Variants in CUX2 observed in about 807,000 individuals in gnomAD.
CUX2 encodes cut like homeobox 2, also known as homeobox protein cut-like 2.
Under a neutral mutation model 144.8 loss-of-function variants are expected in CUX2, and 40 were observed. The ratio of observed to expected loss-of-function variants is 0.28; its 90% CI spans 0.21 to 0.36. The LOEUF is 0.36. CUX2 is among the 10% of genes least tolerant of loss of function. The probability of loss-of-function intolerance (pLI) is 1.00; values close to 1 mark genes in which losing one functional copy is unlikely to be tolerated. For synonymous variants in CUX2, 827 were observed against 875.6 expected, an observed-to-expected ratio of 0.94 and a Z score of 0.98; for missense variants, 1,615 against 1,994.0, an observed-to-expected ratio of 0.81 and a Z score of 3.62.
At chr12:111,116,516 G>T (rs1455355568) in intron 1 of CUX2, among the ~76,000 whole-genome samples, 1 of 152,210 alleles carries the variant, frequency 6.6e-6, no homozygotes, top group Non-Finnish European at 1.5e-5. Flanking sequence ...TCCCCAGGGT[G>T]AGCATTTCTA....
Position 111,059,542 on chromosome 12 carries a change from A to T in CUX2, c.63+25302A>T, listed in dbSNP as rs1870673854. On this transcript the variant is annotated intron_variant, in intron 1 of 21. Coordinates refer to ENST00000261726, the MANE Select transcript of CUX2 (RefSeq NM_015267.4). The surrounding 1 kb of genome is among the most constrained non-coding windows in gnomAD (Gnocchi z 5.3). ...CCTCACCTTCCAAATGGGGCACGTG[A>T]CTCTTCTGACTTTCCTAGGTCCCCC... Among the ~76,000 whole-genome samples the T allele has an allele frequency of 6.6e-6, 1 of 151,406 alleles. No homozygotes were observed. The highest frequency in any genetic ancestry group is 1.5e-5 in the Non-Finnish European group (1 of 67,888).
At chr12:111,209,569 G>A (rs1365695020) in intron 1 of CUX2, among the ~76,000 whole-genome samples, 1 of 152,146 alleles carries the variant, frequency 6.6e-6, no homozygotes, top group Non-Finnish European at 1.5e-5. Context: ...GTCAAAGTTT[G>A]GACAGCAGTG....
Position 111,312,066 on chromosome 12 carries a change from A to G in CUX2, c.1901-34A>G. 6.3e-7 allele frequency: 1 copy of G among 1,583,568 alleles called. No homozygotes were observed. The highest frequency in any genetic ancestry group is 8.6e-7 in the Non-Finnish European group (1 of 1,156,824). ...GCTCCGGAGACTGAGCCCAACATGC[A>G]GATCCTGCCACAGATGCCTTCTTGC... On this transcript the variant is annotated intron_variant, in intron 15 of 21. Coordinates refer to ENST00000261726, the MANE Select transcript of CUX2 (RefSeq NM_015267.4). This position sits in a 1 kb window ranked among gnomAD's most constrained non-coding sequence, Gnocchi z 4.3.
chr12:111,061,541 C>A lies in CUX2; in HGVS notation c.63+27301C>A, dbSNP rs186838593. 2.0e-4 allele frequency among the ~76,000 whole-genome samples: 30 copies of A among 152,314 alleles called. No individual in the cohort carries two copies. The highest frequency in any genetic ancestry group is 6.7e-4 in the African/African-American group (28 of 41,562). On this transcript the variant is annotated intron_variant, in intron 1 of 21. Coordinates refer to ENST00000261726, the MANE Select transcript of CUX2 (RefSeq NM_015267.4). This position sits in a 1 kb window ranked among gnomAD's most constrained non-coding sequence, Gnocchi z 4.2. ...GGAAGAAGGAGACTGGAAGAACACCCTTTGGCATGGTGTGTGTTTCTGTCT... is the reference window on the plus strand; with the variant it reads ...GGAAGAAGGAGACTGGAAGAACACCATTTGGCATGGTGTGTGTTTCTGTCT...
chr12:111,311,637 TACTC>T (rs1886913266), intron 15 of CUX2, among the ~76,000 whole-genome samples: 1 of 142,672 alleles, frequency 7.0e-6, no homozygotes, highest in Non-Finnish European at 1.5e-5. Flanking sequence ...CTTGTTCTGT[TACTC>T]AGGCTGGAGT....
At chr12:111,042,103 G>A (rs1006991422) in intron 1 of CUX2, among the ~76,000 whole-genome samples, 5 of 152,232 alleles carry the variant, frequency 3.3e-5, no homozygotes, top group Admixed American at 1.3e-4. Context: ...TCAATCCTTC[G>A]GCCTCTTTGG....
At chr12:111,108,934 T>C (rs760554473) in intron 1 of CUX2, among the ~76,000 whole-genome samples, 2 of 152,168 alleles carry the variant, frequency 1.3e-5, no homozygotes, top group Admixed American at 6.5e-5. Flanking sequence ...AGATGCCAGA[T>C]TGACATTTTT....
intron 1 of CUX2, among the ~76,000 whole-genome samples, chr12:111,078,396 G>A (rs946967436): frequency 6.6e-6 from 1 of 152,140 alleles, no homozygotes; most frequent in Non-Finnish European, 1.5e-5. Context: ...GCCAGGTGCA[G>A]CAGCTTATGC....
At chr12:111,316,927 C>A (rs142625804) in intron 16 of CUX2, among the ~76,000 whole-genome samples, 1 of 152,242 alleles carries the variant, frequency 6.6e-6, no homozygotes, top group East Asian at 1.9e-4. Context: ...TGATCTGCAT[C>A]CTGTTTCTGT....
At position 111,310,246 on chromosome 12, in the gene CUX2, G is replaced by C; in HGVS notation, c.1464G>C (p.Glu488Asp). ...CCTTCCCCAGCCTGGCATCAGGGGA[G>C]AGACTGATGATGCCCCCAGCCGCCT... Reference protein sequence around the residue: ...LSPFPSLASGERLMMPPAAFK... With the variant: ...LSPFPSLASGDRLMMPPAAFK... The change falls in exon 15 of 22, where the codon GAG becomes GAC. Residue 488 changes from glutamate to aspartate, a missense_variant. Physicochemically the swap from Glu to Asp is conservative, Grantham distance 45 (BLOSUM62 2). This residue lies in a region of CUX2 where 154 missense variants were observed against 148.4 expected (regional missense o/e 1.04). Coordinates refer to ENST00000261726, the MANE Select transcript of CUX2 (RefSeq NM_015267.4). This position sits in a 1 kb window ranked among gnomAD's most constrained non-coding sequence, Gnocchi z 7.9. The C allele has an allele frequency of 6.6e-7, 1 of 1,508,862 alleles. No homozygotes were observed. The allele number at this position is 1,508,862 out of a possible 1,614,324, so 93.5% of individuals were successfully genotyped here.
intron 1 of CUX2, among the ~76,000 whole-genome samples, chr12:111,141,127 G>A (rs541313730): frequency 3.9e-5 from 6 of 151,992 alleles, no homozygotes; most frequent in South Asian, 2.1e-4. Flanking sequence ...ATGCAGTGCC[G>A]GAAAAATAAC....
chr12:111,281,709 G>A (rs1199697742), intron 4 of CUX2, among the ~76,000 whole-genome samples: 1 of 152,224 alleles, frequency 6.6e-6, no homozygotes, highest in Non-Finnish European at 1.5e-5. Context: ...AGACTCCTAG[G>A]GGGAGGGTCT....
intron 1 of CUX2, chr12:111,099,738 G>C: frequency 2.2e-6 from 1 of 455,484 alleles, no homozygotes; most frequent in South Asian, 1.6e-5. Flanking sequence ...CGAAACTGGG[G>C]CCTGCACGGA....
Position 111,348,535 on chromosome 12 carries a change from C to A in CUX2, c.*210C>A, listed in dbSNP as rs567756962. ...ATGCCATTGCCTCCACTTTTCTGCA[C>A]CCCCCTGCTCCTCTTCACCCTGACC... On this transcript the variant is annotated 3_prime_UTR_variant, in exon 22 of 22. Transcript: ENST00000261726. The A allele has an allele frequency of 2.5e-4, 142 of 569,090 alleles. 2 individuals carry two copies. Among genetic ancestry groups the A allele is most frequent in the South Asian group, 1.6e-3 (67 of 43,170 alleles). The allele number at this position is 569,090 out of a possible 1,614,324, so 35.3% of individuals were successfully genotyped here. A position where few individuals can be genotyped will look rare whatever the true frequency, so the allele number is the denominator to read the frequency against.
chr12:111,251,813 G>A (rs1883574709), intron 3 of CUX2, among the ~76,000 whole-genome samples: 1 of 152,070 alleles, frequency 6.6e-6, no homozygotes, highest in Non-Finnish European at 1.5e-5. Context: ...AAATCCCAGC[G>A]GTGGTCCAGA....
Position 111,293,676 on chromosome 12 carries a change from C to G in CUX2, c.560+107C>G. 7.1e-7 allele frequency: 1 copy of G among 1,416,224 alleles called. No homozygotes were observed. The highest frequency in any genetic ancestry group is 1.4e-5 in the South Asian group (1 of 69,994). The allele number at this position is 1,416,224 out of a possible 1,614,324, so 87.7% of individuals were successfully genotyped here. On this transcript the variant is annotated intron_variant, in intron 6 of 21. Coordinates refer to ENST00000261726, the MANE Select transcript of CUX2 (RefSeq NM_015267.4). The surrounding 1 kb of genome is among the most constrained non-coding windows in gnomAD (Gnocchi z 4.5). ...AAAGTCTCCTACCAGAATCCAGATG[C>G]AGGCTGGAGACCGAGATGAGAAAGG...
intron 1 of CUX2, among the ~76,000 whole-genome samples, chr12:111,075,272 G>T (rs1362210265): frequency 2.6e-5 from 4 of 152,224 alleles, no homozygotes; most frequent in African/African-American, 4.8e-5. Context: ...CAAAATTACA[G>T]CTCAGACAGG....
At position 111,320,470 on chromosome 12, in the gene CUX2, G is replaced by T. The variant is rs1167513065; in HGVS notation, c.2461G>T (p.Gly821Cys). ...CTCTGGCTACTCTGGCCAGCCCAAC[G>T]GCCGCGCCTGGCCCCGCGGGGACGA... ...SSSGYSGQPN[G>C]RAWPRGDEAP... The change falls in exon 17 of 22, where the codon GGC (glycine) becomes TGC (cysteine). Residue 821 changes from glycine (G) to cysteine (C), a missense_variant. Around this residue, in one of 12 missense-constraint regions of CUX2, gnomAD observed 390 missense variants for 387.1 expected, o/e 1.01. Coordinates refer to ENST00000261726, the MANE Select transcript of CUX2 (RefSeq NM_015267.4). The surrounding 1 kb of genome is among the most constrained non-coding windows in gnomAD (Gnocchi z 8.1). 10 of 1,591,718 alleles carry T rather than the reference G, an allele frequency of 6.3e-6. No individual in the cohort carries two copies. Among genetic ancestry groups the T allele is most frequent in the Non-Finnish European group, 8.5e-6 (10 of 1,174,630 alleles).
At chr12:111,110,826 G>C (rs1190556173) in intron 1 of CUX2, among the ~76,000 whole-genome samples, 1 of 152,222 alleles carries the variant, frequency 6.6e-6, no homozygotes, top group Non-Finnish European at 1.5e-5. Context: ...AACTGAGAAG[G>C]CTGGGGAGGC....
Sources: gnomAD v4.1 joint callset for allele counts (sites outside exome capture counted in the v4.1 genomes callset) on GRCh38, gnomAD v4.1.1 for gene constraint, gnomAD v4.1.1 regional missense constraint, Gnocchi (gnomAD v3.1) non-coding constraint, MANE v1.5 for transcripts, NCBI Gene and HGNC (gene_info 2026-07-23, HGNC 2026-07-21) for gene names.